EPHA6: variants seen among roughly 807,000 people sequenced by gnomAD.
EPHA6 encodes the protein ephrin type-A receptor 6.
In EPHA6, 50 loss-of-function variants were observed where a neutral mutation model predicts 112.0. The ratio of observed to expected loss-of-function variants is 0.45; its 90% CI spans 0.36 to 0.56. The LOEUF is 0.56. EPHA6 is among the 20% of genes least tolerant of loss of function. The probability of loss-of-function intolerance (pLI) is 0.00; values close to 1 mark genes in which losing one functional copy is unlikely to be tolerated. For synonymous variants in EPHA6, 529 were observed against 490.7 expected (o/e 1.08, Z -1.03); for missense variants, 1,280 against 1,417.4 (o/e 0.90, Z 1.56).
At chr3:97,664,507 A>G (rs1384531134) in intron 14 of EPHA6, among the ~76,000 whole-genome samples, 1 of 152,146 alleles carries the variant, frequency 6.6e-6, no homozygotes, top group Non-Finnish European at 1.5e-5. Context: ...AGGGTATTCA[A>G]TTAGGAAAAG....
In EPHA6 at chr3:97,676,778, G is replaced by A. The variant is rs557391056; in HGVS notation, c.2784+38696G>A. 2.6e-5 allele frequency among the ~76,000 whole-genome samples: 4 copies of A among 152,296 alleles called. No homozygotes were observed. The East Asian group carries it at 5.8e-4, about 22-fold the overall frequency. ...TGGAAGGAAATAGAGTCCCTGGGTC[G>A]AGATGTAGTCATACCATTTTGTTGA... On this transcript the variant is annotated intron_variant, in intron 14 of 17. Transcript: ENST00000389672.
At chr3:97,030,383 A>G (rs2044783725) in intron 3 of EPHA6, among the ~76,000 whole-genome samples, 1 of 152,060 alleles carries the variant, frequency 6.6e-6, no homozygotes, top group Non-Finnish European at 1.5e-5. Flanking sequence ...GGTACACTCT[A>G]CCTAGAAGCT....
chr3:97,003,960 A>G (rs981816576), intron 3 of EPHA6, among the ~76,000 whole-genome samples: 1 of 152,280 alleles, frequency 6.6e-6, no homozygotes, highest in Admixed American at 6.5e-5. Flanking sequence ...TGTCCCTGCA[A>G]AGGACATGGT....
chr3:97,550,206 A>G (rs1440342500), intron 11 of EPHA6, among the ~76,000 whole-genome samples: 1 of 152,190 alleles, frequency 6.6e-6, no homozygotes, highest in African/African-American at 2.4e-5. Flanking sequence ...ACATTTTATG[A>G]TCTCTCACAG....
intron 3 of EPHA6, among the ~76,000 whole-genome samples, chr3:97,176,279 T>C (rs763208097): frequency 6.6e-6 from 1 of 151,976 alleles, no homozygotes; most frequent in African/African-American, 2.4e-5. Flanking sequence ...CTTTCTAATA[T>C]ATTGTTGAAT....
intron 5 of EPHA6, among the ~76,000 whole-genome samples, chr3:97,373,819 G>C (rs985754987): frequency 6.6e-6 from 1 of 151,948 alleles, no homozygotes; most frequent in Non-Finnish European, 1.5e-5. Flanking sequence ...ATTCCCTTGT[G>C]CAATATAAAT....
intron 1 of EPHA6, among the ~76,000 whole-genome samples, chr3:96,835,171 A>G (rs1404950962): frequency 6.6e-6 from 1 of 152,116 alleles, no homozygotes; most frequent in Non-Finnish European, 1.5e-5. Context: ...AGCATTTATT[A>G]AATATATAAC....
At position 97,752,165 on chromosome 3, in the gene EPHA6, A is replaced by T. The variant is rs753112119; in HGVS notation, c.*3464A>T. 1 of 223,384 alleles carries T rather than the reference A, an allele frequency of 4.5e-6. No individual in the cohort carries two copies. 13.8% of individuals were successfully genotyped at this position (223,384 alleles called of 1,614,324 possible). A position where few individuals can be genotyped will look rare whatever the true frequency, so the allele number is the denominator to read the frequency against. ...TGGTCTTTAAAATCTATCAAAGTATAACCTGAATAAAACTGCCTTCCAGCA... is the reference window on the plus strand; with the variant it reads ...TGGTCTTTAAAATCTATCAAAGTATTACCTGAATAAAACTGCCTTCCAGCA... On this transcript the variant is annotated 3_prime_UTR_variant, in exon 18 of 18. Coordinates refer to ENST00000389672, the MANE Select transcript of EPHA6 (RefSeq NM_001080448.3).
intron 3 of EPHA6, among the ~76,000 whole-genome samples, chr3:97,142,503 A>C (rs1358342526): frequency 2.0e-5 from 3 of 152,004 alleles, no homozygotes; most frequent in African/African-American, 7.2e-5. Flanking sequence ...ATTACACAGA[A>C]ATACAAAACA....
At chr3:97,215,884 T>C (rs2108522959) in intron 3 of EPHA6, among the ~76,000 whole-genome samples, 1 of 152,354 alleles carries the variant, frequency 6.6e-6, no homozygotes, top group Middle Eastern at 3.4e-3. Context: ...TTTAGGAAGG[T>C]AAAAGCTTTT....
intron 6 of EPHA6, among the ~76,000 whole-genome samples, chr3:97,444,150 A>G (rs927071646): frequency 2.2e-4 from 33 of 152,308 alleles, no homozygotes; most frequent in African/African-American, 7.5e-4. Context: ...CATTGTTATT[A>G]TGATTGTTGT....
intron 11 of EPHA6, among the ~76,000 whole-genome samples, chr3:97,532,948 T>C (rs1178134094): frequency 6.6e-6 from 1 of 151,982 alleles, no homozygotes; most frequent in Non-Finnish European, 1.5e-5. Context: ...GGAGTAAAAC[T>C]TATAAACAAA....
At chr3:97,426,054 T>C (rs2107209714) in intron 6 of EPHA6, among the ~76,000 whole-genome samples, 1 of 152,314 alleles carries the variant, frequency 6.6e-6, no homozygotes, top group Admixed American at 6.5e-5. Flanking sequence ...CAAATCTTCC[T>C]GTCTTCTGAG....
intron 3 of EPHA6, among the ~76,000 whole-genome samples, chr3:97,192,126 G>T (rs1001769319): frequency 6.6e-6 from 1 of 151,774 alleles, no homozygotes; most frequent in Non-Finnish European, 1.5e-5. Context: ...CACTCTATGG[G>T]TTTTTTTGTT....
chr3:97,587,577 A>G (rs1193633729), intron 11 of EPHA6, among the ~76,000 whole-genome samples: 1 of 152,190 alleles, frequency 6.6e-6, no homozygotes, highest in East Asian at 1.9e-4. Flanking sequence ...ACAAACAGGC[A>G]CAACATACAT....
intron 2 of EPHA6, among the ~76,000 whole-genome samples, chr3:96,908,904 T>G (rs913151433): frequency 6.6e-6 from 1 of 151,960 alleles, no homozygotes; most frequent in African/African-American, 2.4e-5. Flanking sequence ...TTCATTGGAG[T>G]TAATCTGCTA....
At chr3:96,882,909 T>G (rs1038066405) in intron 2 of EPHA6, among the ~76,000 whole-genome samples, 33 of 152,284 alleles carry the variant, frequency 2.2e-4, no homozygotes, top group African/African-American at 7.9e-4. Context: ...GTATGTTTTT[T>G]GAATAATGAC....
intron 5 of EPHA6, among the ~76,000 whole-genome samples, chr3:97,345,354 G>T (rs576541438): frequency 1.3e-5 from 2 of 152,148 alleles, no homozygotes; most frequent in Non-Finnish European, 2.9e-5. Context: ...AAGGAAAGCA[G>T]CAAGAGGAAC....
At chr3:97,683,231 T>C (rs1000335562) in intron 14 of EPHA6, among the ~76,000 whole-genome samples, 4 of 152,184 alleles carry the variant, frequency 2.6e-5, no homozygotes, top group Non-Finnish European at 5.9e-5. Flanking sequence ...TGAATATGTA[T>C]AATTTTAATT....
Sources: gnomAD v4.1 joint callset for allele counts (sites outside exome capture counted in the v4.1 genomes callset) on GRCh38, gnomAD v4.1.1 for gene constraint, MANE v1.5 for transcripts, NCBI Gene and HGNC (gene_info 2026-07-23, HGNC 2026-07-21) for gene names.